SASH1: variants seen among roughly 807,000 people sequenced by gnomAD.
SASH1 encodes SAM and SH3 domain-containing protein 1.
SASH1 carries 44 observed loss-of-function variants against 125.2 expected under a neutral mutation model. That is an observed-to-expected ratio of 0.35 (90% CI 0.28 to 0.45). The LOEUF (loss-of-function observed/expected upper bound fraction) is 0.45. Among genes scored for constraint, SASH1 ranks in the 20% least tolerant of loss-of-function variants. SASH1 has a pLI of 1.00. For synonymous variants in SASH1, 639 were observed against 649.1 expected, an observed-to-expected ratio of 0.98 and a Z score of 0.24; for missense variants, 1,426 against 1,614.5, an observed-to-expected ratio of 0.88 and a Z score of 2.00.
intron 1 of SASH1, among the ~76,000 whole-genome samples, chr6:148,335,382 T>C (rs1781123959): frequency 6.7e-6 from 1 of 150,194 alleles, no homozygotes; most frequent in African/African-American, 2.5e-5. Context: ...GGGGAATTGC[T>C]TGAACCCGGG....
rs139896901 is a variant in SASH1, at chr6:148,546,092, C to T, written c.3426C>T (p.Ala1142=). Residue 1142 remains alanine (A), a synonymous_variant, in exon 19 of 20, where the codon GCC becomes GCT. Transcript: ENST00000367467. ...TGGATCAGCCCGAGCGGGACGTCGC[C>T]GCCAACATGGACCAGATCCGGGTGA... ...EDLDQPERDV[A]ANMDQIRVKQ... The T allele has an allele frequency of 1.0e-4, 164 of 1,614,118 alleles. No homozygotes were observed. The highest frequency in any genetic ancestry group is 1.0e-3 in the African/African-American group (75 of 74,952).
chr6:148,374,916 C>T (rs1334880054), intron 1 of SASH1, among the ~76,000 whole-genome samples: 6 of 152,238 alleles, frequency 3.9e-5, no homozygotes, highest in African/African-American at 1.4e-4. Flanking sequence ...AGGCTGGCCT[C>T]GAACACGTGG....
rs1482089067 is a variant in SASH1, at chr6:148,551,846, AT to A, written c.*3289del. 6.6e-6 allele frequency: 1 copy of A among 152,668 alleles called. No homozygotes were observed. The highest frequency in any genetic ancestry group is 2.4e-5 in the African/African-American group (1 of 41,460). 9.5% of individuals were successfully genotyped at this position (152,668 alleles called of 1,614,324 possible). ...CTTAAAAACATTGTAAGTAGCTGTA[AT>A]ATACCAGTACCAATATGTTCTTGCA... On this transcript the variant is annotated 3_prime_UTR_variant, in exon 20 of 20. Transcript: ENST00000367467.
At chr6:148,393,534 A>G (rs752047353) in intron 2 of SASH1, 5 of 185,570 alleles carry the variant, frequency 2.7e-5, no homozygotes, top group Non-Finnish European at 5.1e-5. Context: ...GGTTACCATC[A>G]TCATCCCATG....
At chr6:148,395,380 A>T (rs551024194) in intron 2 of SASH1, among the ~76,000 whole-genome samples, 1 of 152,332 alleles carries the variant, frequency 6.6e-6, no homozygotes, top group South Asian at 2.1e-4. Context: ...GAAAAATAAA[A>T]GGTTTTGATA....
At chr6:148,209,747 C>A in the SASH1 span, among the ~76,000 whole-genome samples, 1 of 152,154 alleles carries the variant, frequency 6.6e-6, no homozygotes, top group East Asian at 1.9e-4. Context: ...CCGTATGCCT[C>A]CCCTCTTTCA....
chr6:148,372,231 G>A (rs1438821832), intron 1 of SASH1, among the ~76,000 whole-genome samples: 1 of 152,048 alleles, frequency 6.6e-6, no homozygotes, highest in African/African-American at 2.4e-5. Flanking sequence ...GCTTGTTTAT[G>A]GAATGAAATA....
In SASH1 at chr6:148,440,375, T is replaced by C. The variant is rs1776493688; in HGVS notation, c.354T>C (p.Cys118=). 6.2e-7 allele frequency: 1 copy of C among 1,614,120 alleles called. No individual in the cohort carries two copies. The highest frequency in any genetic ancestry group is 8.5e-7 in the Non-Finnish European group (1 of 1,180,006). ...TCTCGTAGGAGTCGCTTGGCTTCTG[T>C]AGCGCCGTGTCAACCCCAGAAGTGG... ...RSQIEESLGF[C]SAVSTPEVER... The change falls in exon 4 of 20, where the codon TGT becomes TGC. Residue 118 remains cysteine, a synonymous_variant. Transcript: ENST00000367467.
At chr6:148,379,051 A>G (rs944405892) in intron 1 of SASH1, among the ~76,000 whole-genome samples, 1 of 152,192 alleles carries the variant, frequency 6.6e-6, no homozygotes, top group African/African-American at 2.4e-5. Context: ...TGCAAAGTTA[A>G]TGAAATCAGG....
At chr6:148,423,514 C>T (rs1223335307) in intron 2 of SASH1, among the ~76,000 whole-genome samples, 2 of 152,144 alleles carry the variant, frequency 1.3e-5, no homozygotes, top group African/African-American at 2.4e-5. Context: ...GTGAGCTGAT[C>T]TATTAGAGGA....
At chr6:148,253,987 C>T in the SASH1 span, among the ~76,000 whole-genome samples, 6 of 152,156 alleles carry the variant, frequency 3.9e-5, no homozygotes, top group African/African-American at 1.2e-4. Context: ...GGGCGGATCA[C>T]CTGAGGTCAG....
intron 4 of SASH1, among the ~76,000 whole-genome samples, chr6:148,445,825 G>C (rs1380823243): frequency 6.6e-6 from 1 of 152,132 alleles, no homozygotes; most frequent in East Asian, 1.9e-4. Flanking sequence ...TGCAGCAGCT[G>C]TTTGCTGACC....
At chr6:148,345,094 A>G (rs1489147840) in intron 1 of SASH1, among the ~76,000 whole-genome samples, 1 of 152,146 alleles carries the variant, frequency 6.6e-6, no homozygotes, top group Non-Finnish European at 1.5e-5. Context: ...GTCTAGATCC[A>G]GTTCTAAGTT....
intron 16 of SASH1, among the ~76,000 whole-genome samples, chr6:148,538,136 G>GT (rs1781981953): frequency 6.6e-6 from 1 of 152,122 alleles, no homozygotes; most frequent in South Asian, 2.1e-4. Flanking sequence ...GCCAACTGTG[G>GT]TTTTCAGGTG....
the SASH1 span, among the ~76,000 whole-genome samples, chr6:148,206,725 G>T: frequency 6.6e-6 from 1 of 151,336 alleles, no homozygotes; most frequent in Non-Finnish European, 1.5e-5. Flanking sequence ...GGGAGGTGGA[G>T]GTTGCAGTGA....
chr6:148,473,116 G>C (rs1028174206), intron 6 of SASH1, among the ~76,000 whole-genome samples: 2 of 152,178 alleles, frequency 1.3e-5, no homozygotes, highest in Admixed American at 6.5e-5. Flanking sequence ...TCAGGTGCGA[G>C]TTGGAAGTTG....
the SASH1 span, among the ~76,000 whole-genome samples, chr6:148,237,200 C>A: frequency 6.6e-6 from 1 of 151,506 alleles, no homozygotes; most frequent in Non-Finnish European, 1.5e-5. Context: ...TTTTTTAGCA[C>A]AGTTCATGTG....
At chr6:148,249,496 G>C in the SASH1 span, among the ~76,000 whole-genome samples, 1 of 152,178 alleles carries the variant, frequency 6.6e-6, no homozygotes, top group Non-Finnish European at 1.5e-5. Context: ...AGGGTACCAA[G>C]GTACACTGAG....
chr6:148,226,642 T>C, the SASH1 span, among the ~76,000 whole-genome samples: 1 of 152,216 alleles, frequency 6.6e-6, no homozygotes, highest in Non-Finnish European at 1.5e-5. Flanking sequence ...TTCTCTCTTC[T>C]TTCTTCTGTG....
Sources: gnomAD v4.1 joint callset for allele counts (sites outside exome capture counted in the v4.1 genomes callset) on GRCh38, gnomAD v4.1.1 for gene constraint, MANE v1.5 for transcripts, NCBI Gene and HGNC (gene_info 2026-07-23, HGNC 2026-07-21) for gene names.